STX17: variants seen among roughly 807,000 people sequenced by gnomAD.
STX17 encodes syntaxin-17.
In STX17, 29 loss-of-function variants were observed where a neutral mutation model predicts 35.9. The observed-to-expected ratio is 0.81, with a 90% CI of 0.60 to 1.10. STX17 has a LOEUF of 1.10. Ranked by LOEUF, STX17 falls within the 50% of genes least tolerant of loss-of-function variation. STX17 has a pLI of 0.00. For synonymous variants in STX17, 92 were observed against 118.3 expected (o/e 0.78, Z 1.44); for missense variants, 312 against 352.3 (o/e 0.89, Z 0.92).
chr9:99,952,235 T>G (rs1829616187), intron 4 of STX17, among the ~76,000 whole-genome samples: 1 of 152,162 alleles, frequency 6.6e-6, no homozygotes, highest in Non-Finnish European at 1.5e-5. Context: ...GAACAGACAC[T>G]TCTCAAAAGA....
intron 3 of STX17, 143 bp from the exon 4 acceptor site, chr9:99,950,917 A>G: frequency 2.5e-6 from 2 of 790,166 alleles, no homozygotes; most frequent in Admixed American, 3.1e-5. Flanking sequence ...AGAGACATGG[A>G]AAATGTAAAA....
chr9:99,918,222 T>C (rs1284890070), intron 2 of STX17, among the ~76,000 whole-genome samples: 1 of 152,214 alleles, frequency 6.6e-6, no homozygotes, highest in Middle Eastern at 3.2e-3. Flanking sequence ...GTTAAACTCC[T>C]AAGTTAAAGC....
intron 3 of STX17, among the ~76,000 whole-genome samples, chr9:99,937,141 C>T (rs537462045): frequency 2.0e-5 from 3 of 151,972 alleles, no homozygotes; most frequent in African/African-American, 4.8e-5. Flanking sequence ...ATCATTGTTC[C>T]TTTGTATGTA....
intron 3 of STX17, among the ~76,000 whole-genome samples, chr9:99,937,489 C>G (rs925726539): frequency 1.6e-4 from 25 of 152,034 alleles, no homozygotes; most frequent in African/African-American, 5.8e-4. Flanking sequence ...TATTGCCATG[C>G]CTTTATGTTT....
At chr9:99,911,058 C>G (rs574338722) in intron 1 of STX17, among the ~76,000 whole-genome samples, 2 of 150,326 alleles carry the variant, frequency 1.3e-5, no homozygotes, top group South Asian at 4.2e-4. Flanking sequence ...TCTCCCTAGA[C>G]GGAGTCTCGC....
intron 3 of STX17, among the ~76,000 whole-genome samples, chr9:99,939,393 T>C (rs1829304051): frequency 6.6e-6 from 1 of 152,218 alleles, no homozygotes. Flanking sequence ...ACCTCTACTC[T>C]GATTGGCATA....
Position 99,969,204 on chromosome 9 carries a change from T to A in STX17, c.*531T>A, listed in dbSNP as rs1310945341. 6.6e-6 allele frequency: 1 copy of A among 152,206 alleles called. No individual in the cohort carries two copies. Among genetic ancestry groups the A allele is most frequent in the African/African-American group, 2.4e-5 (1 of 41,436 alleles). 9.4% of individuals were successfully genotyped at this position (152,206 alleles called of 1,614,324 possible). On this transcript the variant is annotated 3_prime_UTR_variant, in exon 8 of 8. Transcript: ENST00000259400. The stretch of plus-strand genomic sequence containing the variant: ...TATTGCAATTTGGTCCAACTATATC[T>A]TCTGGTGAAGGAAATTAATGATGTA...
chr9:99,967,473 T>G, intron 6 of STX17, 180 bp from the exon 7 acceptor site: 3 of 237,720 alleles, frequency 1.3e-5, no homozygotes, highest in Non-Finnish European at 7.8e-6. Flanking sequence ...GACCCCCCCC[T>G]TTTTTTTATG....
intron 6 of STX17, among the ~76,000 whole-genome samples, chr9:99,963,123 T>C (rs1829858542): frequency 6.6e-6 from 1 of 152,200 alleles, no homozygotes; most frequent in South Asian, 2.1e-4. Flanking sequence ...ATGGTTAAAA[T>C]GGTAAATTTA....
chr9:99,921,120 G>A (rs1455851663), intron 2 of STX17, among the ~76,000 whole-genome samples: 2 of 152,132 alleles, frequency 1.3e-5, no homozygotes, highest in Admixed American at 6.5e-5. Context: ...AAGATTTAGA[G>A]TAAATTACTT....
At chr9:99,939,119 T>C (rs922148271) in intron 3 of STX17, among the ~76,000 whole-genome samples, 2 of 152,116 alleles carry the variant, frequency 1.3e-5, no homozygotes, top group African/African-American at 4.8e-5. Flanking sequence ...TACTTTTTAA[T>C]TTTTAAAAAG....
At chr9:99,952,931 G>C (rs141676236) in intron 4 of STX17, among the ~76,000 whole-genome samples, 3,195 of 151,760 alleles carry the variant, frequency 0.021, 103 homozygotes, top group African/African-American at 0.073. Flanking sequence ...TAAGCTAAAT[G>C]ATGAGTTAAT....
At chr9:99,933,543 G>T (rs1829168125) in intron 3 of STX17, among the ~76,000 whole-genome samples, 1 of 151,998 alleles carries the variant, frequency 6.6e-6, no homozygotes, top group African/African-American at 2.4e-5. Flanking sequence ...TGTGAATATG[G>T]GATATTCTTG....
chr9:99,932,866 T>G (rs764176991), intron 3 of STX17, among the ~76,000 whole-genome samples: 1 of 152,208 alleles, frequency 6.6e-6, no homozygotes, highest in Non-Finnish European at 1.5e-5. Context: ...ATAACAGATT[T>G]TCTAGATTTA....
At chr9:99,912,196 A>C (rs1367533163) in intron 1 of STX17, among the ~76,000 whole-genome samples, 2 of 151,476 alleles carry the variant, frequency 1.3e-5, no homozygotes, top group Non-Finnish European at 2.9e-5. Context: ...ACTGCACTCC[A>C]GCCTGGGTGA....
At chr9:99,942,182 ATT>A (rs1243855701) in intron 3 of STX17, among the ~76,000 whole-genome samples, 1 of 152,198 alleles carries the variant, frequency 6.6e-6, no homozygotes, top group Non-Finnish European at 1.5e-5. Flanking sequence ...GGGTAAGTTA[ATT>A]GTGGTTTTAA....
chr9:99,920,282 A>G (rs1253218663), intron 2 of STX17, among the ~76,000 whole-genome samples: 1 of 152,178 alleles, frequency 6.6e-6, no homozygotes, highest in Non-Finnish European at 1.5e-5. Flanking sequence ...TGTTATGAAG[A>G]TATACAGATA....
intron 3 of STX17, among the ~76,000 whole-genome samples, chr9:99,944,190 A>G (rs913286769): frequency 4.6e-5 from 7 of 151,804 alleles, no homozygotes; most frequent in African/African-American, 1.7e-4. Context: ...TGCCTTCTCT[A>G]TTTTTTAAAA....
intron 3 of STX17, among the ~76,000 whole-genome samples, chr9:99,932,238 G>T (rs1829141107): frequency 6.6e-6 from 1 of 152,170 alleles, no homozygotes; most frequent in South Asian, 2.1e-4. Context: ...TATAGCTGCA[G>T]TATAGTGATT....
Sources: allele counts gnomAD v4.1 joint callset (sites outside exome capture counted in the v4.1 genomes callset), GRCh38; gene constraint gnomAD v4.1.1; transcripts MANE v1.5; gene names NCBI Gene and HGNC (gene_info 2026-07-23, HGNC 2026-07-21).